Variants in BRD1 observed in about 807,000 individuals in gnomAD.
The protein encoded by BRD1 is bromodomain containing 1, also known as bromodomain-containing protein 1.
A neutral mutation model predicts 107.7 loss-of-function variants in BRD1; 24 were observed. That is an observed-to-expected ratio of 0.22 (90% CI 0.16 to 0.31). The LOEUF is 0.31. Among genes scored for constraint, BRD1 ranks in the 10% least tolerant of loss-of-function variants. The pLI, the probability that BRD1 is intolerant of heterozygous loss-of-function variation, is 1.00. For missense variants in BRD1, 1,279 were observed against 1,638.6 expected (o/e 0.78, Z 3.79); for synonymous variants, 744 against 686.1 (o/e 1.08, Z -1.32).
chr22:49,787,943 A>T (rs939203814), intron 7 of BRD1, 56 bp from the exon 8 acceptor site: 2 of 1,390,066 alleles, frequency 1.4e-6, no homozygotes, highest in South Asian at 3.0e-5. Context: ...AAAATCTATT[A>T]TAAAACTTAC....
intron 2 of BRD1, among the ~76,000 whole-genome samples, chr22:49,808,877 T>G (rs2147250031): frequency 6.6e-6 from 1 of 151,696 alleles, no homozygotes; most frequent in East Asian, 1.9e-4. Flanking sequence ...CCAGCACTTT[T>G]GGAAGCCGAG....
chr22:49,819,329 C>T (rs771714255), intron 2 of BRD1, among the ~76,000 whole-genome samples: 78 of 152,050 alleles, frequency 5.1e-4, no homozygotes, highest in Non-Finnish European at 8.8e-4. Flanking sequence ...TGGTGGCTCA[C>T]GCCTGTAATC....
Position 49,798,576 on chromosome 22 carries a change from C to G in BRD1, c.1767G>C (p.Gln589His). ...QDKDPARIFA[Q>H]PVSLKEVPDY... is the part of the protein sequence containing the mutation. ...CACCCACCTCCTTCAGACTCACGGG[C>G]TGCGCAAATATCCTGGCGGGGTCCT... The change falls in exon 5 of 13, where the codon CAG (glutamine) becomes CAC (histidine). Residue 589 changes from glutamine (Q) to histidine (H), a missense_variant. Around this residue, in one of 7 missense-constraint regions of BRD1, gnomAD observed 406 missense variants for 519.4 expected, o/e 0.78. Transcript: ENST00000404760. 6.2e-7 allele frequency: 1 copy of G among 1,614,220 alleles called. No homozygotes were observed. The highest frequency in any genetic ancestry group is 8.5e-7 in the Non-Finnish European group (1 of 1,180,050).
intron 11 of BRD1, 61 bp downstream of exon 11, chr22:49,775,966 GCCGTGAGCCTCCTCGGACCACCC>G: frequency 1.1e-6 from 1 of 928,478 alleles, no homozygotes; most frequent in Non-Finnish European, 1.4e-6. Context: ...TTGGACCACC[GCCGTGAGCCTCCTCGGACCACCC>G]CCGCCCCGCA....
intron 2 of BRD1, among the ~76,000 whole-genome samples, chr22:49,821,789 C>T (rs1366664489): frequency 6.6e-6 from 1 of 152,214 alleles, no homozygotes. Context: ...GTCCTGCTCA[C>T]TGACCCCCGG....
intron 2 of BRD1, chr22:49,818,460 A>C: frequency 1.0e-6 from 1 of 968,692 alleles, no homozygotes; most frequent in South Asian, 3.5e-5. Context: ...TTATCAGGAA[A>C]CCCTGTTTGT....
intron 7 of BRD1, 80 bp from the exon 8 acceptor site, chr22:49,787,967 T>C: frequency 1.6e-6 from 2 of 1,263,108 alleles, no homozygotes; most frequent in East Asian, 2.5e-5. Flanking sequence ...AAATGTGAAG[T>C]CCACCAAAAT....
At chr22:49,799,917 G>A (rs1340230281) in intron 3 of BRD1, among the ~76,000 whole-genome samples, 2 of 152,196 alleles carry the variant, frequency 1.3e-5, no homozygotes, top group African/African-American at 4.8e-5. Flanking sequence ...ACAGTGCCGG[G>A]GCACCCTGAC....
Position 49,774,199 on chromosome 22 carries a change from A to C in BRD1, c.*34T>G. 1 of 1,596,752 alleles carries C rather than the reference A, an allele frequency of 6.3e-7. No homozygotes were observed. Among genetic ancestry groups the C allele is most frequent in the African/African-American group, 1.3e-5 (1 of 74,462 alleles). ...ATACAAACATGTACAGCTTATCAAC[A>C]CTATGGACAAGACCCGCGCTGGCGG... On this transcript the variant is annotated 3_prime_UTR_variant, in exon 13 of 13. Transcript: ENST00000404760.
At chr22:49,810,044 A>G (rs2059820547) in intron 2 of BRD1, among the ~76,000 whole-genome samples, 1 of 152,306 alleles carries the variant, frequency 6.6e-6, no homozygotes, top group Non-Finnish European at 1.5e-5. Context: ...AGCATCAAAG[A>G]ATGAATGCGT....
chr22:49,806,558 C>G (rs910031448), intron 2 of BRD1: 5 of 152,220 alleles, frequency 3.3e-5, no homozygotes, highest in African/African-American at 7.2e-5. Flanking sequence ...GATAAGAAAA[C>G]TAAGCAAAGA....
Position 49,824,065 on chromosome 22 carries a change from C to T in BRD1, c.253G>A (p.Val85Ile). The T allele has an allele frequency of 6.2e-7, 1 of 1,613,978 alleles. No homozygotes were observed. The highest frequency in any genetic ancestry group is 2.2e-5 in the East Asian group (1 of 44,884). The change falls in exon 2 of 13, where the codon GTC becomes ATC. Residue 85 changes from valine to isoleucine, a missense_variant. Around this residue, in one of 7 missense-constraint regions of BRD1, gnomAD observed 223 missense variants for 263.5 expected, o/e 0.85. Coordinates refer to ENST00000404760, the MANE Select transcript of BRD1 (RefSeq NM_001304808.3). This position sits in a 1 kb window ranked among gnomAD's most constrained non-coding sequence, Gnocchi z 5.9. ...SNKENSERPPVCLRTKRHKNN... is the reference protein window; with the variant it reads ...SNKENSERPPICLRTKRHKNN... The stretch of plus-strand genomic sequence containing the variant: ...TTGTGACGCTTAGTTCTTAAGCAGA[C>T]AGGAGGCCGCTCGCTGTTTTCCTTG...
At chr22:49,813,866 A>G (rs561610055) in intron 2 of BRD1, among the ~76,000 whole-genome samples, 1 of 152,186 alleles carries the variant, frequency 6.6e-6, no homozygotes, top group South Asian at 2.1e-4. Flanking sequence ...CCTAGAGGAA[A>G]TACAGGGAGC....
chr22:49,806,443 C>T (rs1417201383), intron 2 of BRD1: 4 of 152,138 alleles, frequency 2.6e-5, no homozygotes, highest in Non-Finnish European at 5.9e-5. Flanking sequence ...AGGCTGAAAA[C>T]CCCAAAATTA....
intron 9 of BRD1, 64 bp from the exon 10 acceptor site, chr22:49,777,225 C>T (rs1001580973): frequency 1.4e-5 from 22 of 1,594,352 alleles, no homozygotes; most frequent in African/African-American, 1.2e-4. Context: ...ACTCGGGCTT[C>T]GTCCCGTGAG....
At chr22:49,795,531 G>C (rs528847240) in intron 6 of BRD1, among the ~76,000 whole-genome samples, 1 of 152,250 alleles carries the variant, frequency 6.6e-6, no homozygotes, top group African/African-American at 2.4e-5. Flanking sequence ...TGCTCTGTTC[G>C]AGGGAGGTGG....
intron 8 of BRD1, among the ~76,000 whole-genome samples, chr22:49,779,252 C>A (rs1601605768): frequency 6.6e-6 from 1 of 152,160 alleles, no homozygotes; most frequent in Non-Finnish European, 1.5e-5. Flanking sequence ...ATTTTCCACC[C>A]GCTTCGTACG....
At position 49,823,726 on chromosome 22, in the gene BRD1, G is replaced by A. The variant is rs765049296; in HGVS notation, c.592C>T (p.His198Tyr). 2 of 1,613,950 alleles carry A rather than the reference G, an allele frequency of 1.2e-6. No individual in the cohort carries two copies. The highest frequency in any genetic ancestry group is 1.7e-6 in the Non-Finnish European group (2 of 1,180,018). ...FLMDRFEKESHCENQKQGEQQ... is the reference protein window; with the variant it reads ...FLMDRFEKESYCENQKQGEQQ... ...TCGCCCTGCTTCTGGTTCTCGCAGTGCGACTCCTTCTCGAAGCGGTCCATC... is the reference window on the plus strand; with the variant it reads ...TCGCCCTGCTTCTGGTTCTCGCAGTACGACTCCTTCTCGAAGCGGTCCATC... Residue 198 changes from histidine (H) to tyrosine (Y), a missense_variant, in exon 2 of 13, where the codon CAC becomes TAC. Physicochemically the swap from His to Tyr is moderately conservative, Grantham distance 83. Around this residue, in one of 7 missense-constraint regions of BRD1, gnomAD observed 158 missense variants for 310.2 expected, o/e 0.51. Coordinates refer to ENST00000404760, the MANE Select transcript of BRD1 (RefSeq NM_001304808.3).
chr22:49,808,557 G>A (rs2059788831), intron 2 of BRD1, among the ~76,000 whole-genome samples: 1 of 152,188 alleles, frequency 6.6e-6, no homozygotes, highest in African/African-American at 2.4e-5. Context: ...CTGGGACAGA[G>A]TTTCAGACTG....
Sources: allele counts gnomAD v4.1 joint callset (sites outside exome capture counted in the v4.1 genomes callset), GRCh38; gene constraint gnomAD v4.1.1; regional missense constraint gnomAD v4.1.1; non-coding constraint Gnocchi (gnomAD v3.1); transcripts MANE v1.5; gene names NCBI Gene and HGNC (gene_info 2026-07-23, HGNC 2026-07-21).